Variants in ZNF236 observed in about 807,000 individuals in gnomAD.
The protein encoded by ZNF236 is zinc finger protein 236.
Under a neutral mutation model 191.2 loss-of-function variants are expected in ZNF236, and 50 were observed. The ratio of observed to expected loss-of-function variants is 0.26; its 90% CI spans 0.21 to 0.33. The LOEUF (loss-of-function observed/expected upper bound fraction) is 0.33. ZNF236 is among the 10% of genes least tolerant of loss of function. ZNF236 has a pLI of 1.00. For synonymous variants in ZNF236, 907 were observed against 928.8 expected (o/e 0.98, Z 0.43); for missense variants, 1,754 against 2,374.5 (o/e 0.74, Z 5.43).
chr18:76,826,503 AT>A (rs1438542105), intron 1 of ZNF236, among the ~76,000 whole-genome samples: 6 of 150,910 alleles, frequency 4.0e-5, no homozygotes, highest in Non-Finnish European at 5.9e-5. Flanking sequence ...CAAAGCATGC[AT>A]TTTAGGCCTG....
rs1168317192 is a variant in ZNF236, at chr18:76,965,924, T to A, written c.5420-2291T>A. 3.9e-5 allele frequency among the ~76,000 whole-genome samples: 6 copies of A among 152,216 alleles called. No individual in the cohort carries two copies. In the East Asian group the frequency reaches 1.2e-3, roughly 29 times the overall value. On this transcript the variant is annotated intron_variant, in intron 30 of 30. Coordinates refer to ENST00000320610, the MANE Select transcript of ZNF236 (RefSeq NM_001306089.2). ...CTGTGGTAGTATAGGGAGGAACAGG[T>A]GGTGGGCGGGGCCCTAGACCTCCCA...
intron 13 of ZNF236, 111 bp downstream of exon 13, chr18:76,905,526 T>C: frequency 5.6e-6 from 5 of 892,504 alleles, no homozygotes; most frequent in Non-Finnish European, 8.1e-6. Flanking sequence ...TATTTCTAGC[T>C]CATACTATAT....
rs746779189 is a variant in ZNF236 at position 76,895,113 on chromosome 18, C to T, written c.1518C>T (p.His506=). 27 of 1,611,690 alleles carry T rather than the reference C, an allele frequency of 1.7e-5. No individual in the cohort carries two copies. Among genetic ancestry groups the T allele is most frequent in the African/African-American group, 2.7e-5 (2 of 74,954 alleles). ...ACCTGGTCCGCCACATCCGCATCCA[C>T]ACCCACGAGAAGCCCTTCAAGTGCC... ...PSDLVRHIRI[H]THEKPFKCPQ... Residue 506 remains histidine, a synonymous_variant, in exon 10 of 31, where the codon CAC becomes CAT. Transcript: ENST00000320610.
At chr18:76,949,831 G>T (rs535417619) in intron 27 of ZNF236, among the ~76,000 whole-genome samples, 1 of 151,888 alleles carries the variant, frequency 6.6e-6, no homozygotes, top group African/African-American at 2.4e-5. Flanking sequence ...GCTAATTTTT[G>T]TATTTTTAGT....
chr18:76,873,964 T>TCTTTCACACCCTTGCCCC (rs1406165410), intron 5 of ZNF236, among the ~76,000 whole-genome samples: 2 of 146,790 alleles, frequency 1.4e-5, no homozygotes, highest in Admixed American at 6.8e-5. Context: ...CCTGTCCTCC[T>TCTTTCACACCCTTGCCCC]CTCCTGTCGC....
At chr18:76,907,063 C>T (rs192381251) in intron 13 of ZNF236, among the ~76,000 whole-genome samples, 260 of 152,342 alleles carry the variant, frequency 1.7e-3, no homozygotes, top group African/African-American at 5.8e-3. Context: ...CAGGCCCCTG[C>T]GTGCCACTGC....
chr18:76,961,279 A>G (rs932758504), intron 30 of ZNF236, among the ~76,000 whole-genome samples: 1 of 151,604 alleles, frequency 6.6e-6, no homozygotes, highest in African/African-American at 2.4e-5. Flanking sequence ...TTCCTGTGTT[A>G]CTTCACTTAG....
intron 26 of ZNF236, among the ~76,000 whole-genome samples, chr18:76,945,934 C>T (rs1968249059): frequency 6.6e-6 from 1 of 152,184 alleles, no homozygotes; most frequent in African/African-American, 2.4e-5. Flanking sequence ...AGCTCTCTTT[C>T]TCTGGAATCC....
rs748870968 is a variant in ZNF236 at position 76,904,482 on chromosome 18, G to A, written c.1997G>A (p.Arg666His). Reference sequence around the variant, plus strand: ...CCATACAAGTGTTTTTACTGTCATCGTGCATATAAAAAATCTTGCCACCTT... The same window carrying A: ...CCATACAAGTGTTTTTACTGTCATCATGCATATAAAAAATCTTGCCACCTT... The part of the protein sequence containing the change: ...DRPYKCFYCH[R>H]AYKKSCHLKQ... The change falls in exon 12 of 31, where the codon CGT (arginine) becomes CAT (histidine). Residue 666 changes from arginine (R) to histidine (H), a missense_variant. Physicochemically the swap from Arg to His is conservative, Grantham distance 29. This residue lies in a region of ZNF236 where 641 missense variants were observed against 869.6 expected (regional missense o/e 0.74). Transcript: ENST00000320610. 11 of 1,606,454 alleles carry A rather than the reference G, an allele frequency of 6.8e-6. No homozygotes were observed. Among genetic ancestry groups the A allele is most frequent in the Admixed American group, 1.7e-5 (1 of 58,910 alleles).
chr18:76,889,011 G>A (rs1977147781), intron 9 of ZNF236, among the ~76,000 whole-genome samples: 1 of 152,164 alleles, frequency 6.6e-6, no homozygotes, highest in Non-Finnish European at 1.5e-5. Context: ...GAAACTTTCT[G>A]CAGCATGTAA....
chr18:76,898,979 T>G, intron 10 of ZNF236, 40 bp from the exon 11 acceptor site: 1 of 1,547,870 alleles, frequency 6.5e-7, no homozygotes, highest in South Asian at 1.1e-5. Context: ...GAGATGTAAT[T>G]TCTGGAAATA....
intron 13 of ZNF236, among the ~76,000 whole-genome samples, chr18:76,906,348 A>G (rs1291948962): frequency 6.6e-6 from 1 of 152,196 alleles, no homozygotes; most frequent in Non-Finnish European, 1.5e-5. Flanking sequence ...CCTGTTAATT[A>G]CATATCCACT....
rs1326279403 is a variant in ZNF236, at chr18:76,925,879, T to G, written c.4027+325T>G. Among the ~76,000 whole-genome samples the G allele has an allele frequency of 1.3e-5, 2 of 152,248 alleles. No individual in the cohort carries two copies. The highest frequency in any genetic ancestry group is 4.8e-5 in the African/African-American group (2 of 41,462). ...AGTGAGAAGTGTAATTTATAAATAC[T>G]CAATAGCATTGTTTTTGATATAGTG... On this transcript the variant is annotated intron_variant, in intron 22 of 30. Transcript: ENST00000320610. The surrounding 1 kb of genome is among the most constrained non-coding windows in gnomAD (Gnocchi z 5.7).
At chr18:76,954,590 C>T (rs1458619607) in intron 27 of ZNF236, among the ~76,000 whole-genome samples, 1 of 152,202 alleles carries the variant, frequency 6.6e-6, no homozygotes. Context: ...CAGATATTCA[C>T]ATGTAGACAC....
chr18:76,956,281 T>C, intron 28 of ZNF236, 99 bp downstream of exon 28: 1 of 1,426,810 alleles, frequency 7.0e-7, no homozygotes, highest in South Asian at 1.2e-5. Flanking sequence ...CATGTGTTTT[T>C]GAGGAAAAGG....
At position 76,947,654 on chromosome 18, in the gene ZNF236, T is replaced by C. The variant is rs1968297651; in HGVS notation, c.4914+2T>C. The C allele has an allele frequency of 6.2e-7, 1 of 1,612,660 alleles. No homozygotes were observed. The highest frequency in any genetic ancestry group is 8.5e-7 in the Non-Finnish European group (1 of 1,179,348). ...GCTTGTGAAGAAATAGCCTACCAGG[T>C]ACAGGATATTCCTTCATTCACAGAG... On this transcript the variant is annotated splice_donor_variant, in intron 27 of 30. Transcript: ENST00000320610. LOFTEE classifies it high-confidence loss of function.
intron 27 of ZNF236, 77 bp downstream of exon 27, chr18:76,947,729 G>A (rs570960758): frequency 5.5e-5 from 84 of 1,516,640 alleles, no homozygotes; most frequent in Non-Finnish European, 6.6e-5. Flanking sequence ...GGTGGTAGAG[G>A]GTTATGGGCG....
At chr18:76,917,947 C>T (rs1006599703) in intron 19 of ZNF236, among the ~76,000 whole-genome samples, 3 of 152,136 alleles carry the variant, frequency 2.0e-5, no homozygotes, top group Non-Finnish European at 4.4e-5. Context: ...CCTCGCTGTC[C>T]TTTGCTCCCC....
In ZNF236 at chr18:76,937,178, C is replaced by G; in HGVS notation, c.4617C>G (p.Ser1539Arg). The G allele has an allele frequency of 5.0e-6, 8 of 1,614,086 alleles. No individual in the cohort carries two copies. Among genetic ancestry groups the G allele is most frequent in the Non-Finnish European group, 6.8e-6 (8 of 1,179,992 alleles). Reference protein sequence around the residue: ...TISELNTTSGSLPSTTPMSPS... With the variant: ...TISELNTTSGRLPSTTPMSPS... Reference sequence around the variant, plus strand: ...TAGAACTTAACACTACAAGCGGAAGCCTTCCTTCAACAACACCGATGTCTC... The same window carrying G: ...TAGAACTTAACACTACAAGCGGAAGGCTTCCTTCAACAACACCGATGTCTC... Residue 1539 changes from serine (S) to arginine (R), a missense_variant, in exon 26 of 31, where the codon AGC (serine) becomes AGG (arginine). This residue lies in a region of ZNF236 where 606 missense variants were observed against 761.5 expected (regional missense o/e 0.80). Coordinates refer to ENST00000320610, the MANE Select transcript of ZNF236 (RefSeq NM_001306089.2).
Sources: allele counts gnomAD v4.1 joint callset (sites outside exome capture counted in the v4.1 genomes callset), GRCh38; gene constraint gnomAD v4.1.1; regional missense constraint gnomAD v4.1.1; non-coding constraint Gnocchi (gnomAD v3.1); transcripts MANE v1.5; gene names NCBI Gene and HGNC (gene_info 2026-07-23, HGNC 2026-07-21).